YAP1: variants seen among roughly 807,000 people sequenced by gnomAD.
YAP1 encodes transcriptional coactivator YAP1.
YAP1 carries 5 observed loss-of-function variants against 56.9 expected under a neutral mutation model. The ratio of observed to expected loss-of-function variants is 0.09; its 90% CI spans 0.05 to 0.18. YAP1 has a LOEUF of 0.18. Ranked by LOEUF, YAP1 falls within the 10% of genes least tolerant of loss-of-function variation. The pLI is 1.00. For synonymous variants in YAP1, 265 were observed against 248.1 expected (o/e 1.07, Z -0.64); for missense variants, 539 against 651.8 (o/e 0.83, Z 1.88).
chr11:102,209,361 C>A (rs1949280276), intron 5 of YAP1, among the ~76,000 whole-genome samples, 156 bp from the exon 6 acceptor site: 1 of 152,140 alleles, frequency 6.6e-6, no homozygotes, highest in South Asian at 2.1e-4. Context: ...TATGTGGTGA[C>A]TCCATTGGCT....
chr11:102,129,263 A>G (rs140112120), intron 2 of YAP1, among the ~76,000 whole-genome samples: 2 of 152,214 alleles, frequency 1.3e-5, no homozygotes, highest in South Asian at 2.1e-4. Context: ...ATACTATCAT[A>G]TGGTCAGGTA....
At chr11:102,147,966 A>C (rs1406661610) in intron 2 of YAP1, among the ~76,000 whole-genome samples, 1 of 152,204 alleles carries the variant, frequency 6.6e-6, no homozygotes, top group Non-Finnish European at 1.5e-5. Flanking sequence ...AGATTTTAGA[A>C]ATTATTGGAG....
At chr11:102,182,127 T>A (rs1292988303) in intron 3 of YAP1, among the ~76,000 whole-genome samples, 1 of 152,124 alleles carries the variant, frequency 6.6e-6, no homozygotes, top group African/African-American at 2.4e-5. Context: ...CCCTAAGTGG[T>A]TGTTTTAAAT....
In YAP1 at chr11:102,202,282, G is replaced by A. The variant is rs138736814; in HGVS notation, c.803-3611G>A. ...GGGTTCAAGCCATTCTCCTGCCTCA[G>A]CCTCCTGAGTAGCTGGTAGGTACTA... On this transcript the variant is annotated intron_variant, in intron 4 of 8. Transcript: ENST00000282441. Among the ~76,000 whole-genome samples, 849 of 150,980 alleles carry A rather than the reference G, an allele frequency of 5.6e-3. 11 individuals are homozygous for A. The highest frequency in any genetic ancestry group is 0.019 in the African/African-American group (800 of 41,066).
chr11:102,230,038 A>C lies in YAP1; in HGVS notation c.*98A>C. The C allele has an allele frequency of 2.0e-6, 2 of 1,022,134 alleles. No individual in the cohort carries two copies. The highest frequency in any genetic ancestry group is 2.9e-6 in the Non-Finnish European group (2 of 679,092). 63.3% of individuals were successfully genotyped at this position (1,022,134 alleles called of 1,614,324 possible). A position where few individuals can be genotyped will look rare whatever the true frequency, so the allele number is the denominator to read the frequency against. On this transcript the variant is annotated 3_prime_UTR_variant, in exon 9 of 9. Transcript: ENST00000282441. ...CCAGTTGCAGTTTTCAGGCTAATAC[A>C]GAAAAAGATGAACAAACGTCCAGCA...
intron 3 of YAP1, among the ~76,000 whole-genome samples, chr11:102,174,691 A>G (rs148170652): frequency 6.6e-6 from 1 of 152,298 alleles, no homozygotes; most frequent in East Asian, 1.9e-4. Flanking sequence ...TAATCATGTC[A>G]GCTCAGCAAA....
chr11:102,125,489 G>T (rs1420707253), intron 2 of YAP1, among the ~76,000 whole-genome samples: 1 of 149,970 alleles, frequency 6.7e-6, no homozygotes, highest in Non-Finnish European at 1.5e-5. Context: ...TGATTCTCCT[G>T]CTTCAGCCTC....
At chr11:102,160,415 C>T (rs1420535851) in intron 2 of YAP1, among the ~76,000 whole-genome samples, 1 of 152,150 alleles carries the variant, frequency 6.6e-6, no homozygotes, top group Non-Finnish European at 1.5e-5. Context: ...TTTACCAGTG[C>T]TATCAGTTAA....
intron 2 of YAP1, among the ~76,000 whole-genome samples, chr11:102,160,072 G>A (rs1045335643): frequency 3.0e-5 from 4 of 132,720 alleles, no homozygotes; most frequent in African/African-American, 1.2e-4. Context: ...TGCCCAGGCT[G>A]GAGTGCAATG....
chr11:102,189,241 C>T (rs1948149177), intron 4 of YAP1, among the ~76,000 whole-genome samples: 2 of 151,832 alleles, frequency 1.3e-5, no homozygotes, highest in Middle Eastern at 3.4e-3. Flanking sequence ...TAAACATCAC[C>T]TTGTATGTTG....
chr11:102,129,066 C>G (rs1944216605), intron 2 of YAP1, among the ~76,000 whole-genome samples: 1 of 151,996 alleles, frequency 6.6e-6, no homozygotes, highest in Admixed American at 6.6e-5. Flanking sequence ...ATGTTTATAT[C>G]TAAATTGATC....
chr11:102,179,978 T>A (rs1031157549), intron 3 of YAP1, among the ~76,000 whole-genome samples: 2 of 151,430 alleles, frequency 1.3e-5, no homozygotes, highest in African/African-American at 4.8e-5. Flanking sequence ...GGATTTTAAT[T>A]ACATTCATTT....
chr11:102,141,560 T>C (rs937606294), intron 2 of YAP1, among the ~76,000 whole-genome samples: 5 of 152,244 alleles, frequency 3.3e-5, no homozygotes, highest in African/African-American at 1.2e-4. Context: ...TACTTCTGTG[T>C]TGGAATTCTT....
rs1056061938 is a variant in YAP1 at position 102,233,372 on chromosome 11, A to G, written c.*3432A>G. 5.9e-5 allele frequency: 9 copies of G among 151,986 alleles called. No homozygotes were observed. Among genetic ancestry groups the G allele is most frequent in the African/African-American group, 2.2e-4 (9 of 41,380 alleles). 9.4% of individuals were successfully genotyped at this position (151,986 alleles called of 1,614,324 possible). A position where few individuals can be genotyped will look rare whatever the true frequency, so the allele number is the denominator to read the frequency against. ...TTGTTACATTATTTTTTCTTATGTA[A>G]TACCTTTTTGTTTGTTTATGTGGTT... is the stretch of plus-strand genomic sequence containing the variant. On this transcript the variant is annotated 3_prime_UTR_variant, in exon 9 of 9. Transcript: ENST00000282441.
In YAP1 at chr11:102,111,049, G is replaced by A; in HGVS notation, c.201G>A (p.Ala67=). 1.2e-6 allele frequency: 2 copies of A among 1,612,904 alleles called. No individual in the cohort carries two copies. Among genetic ancestry groups the A allele is most frequent in the East Asian group, 2.2e-5 (1 of 44,758 alleles). The change falls in exon 1 of 9, where the codon GCG becomes GCA. Residue 67 remains alanine, a synonymous_variant. Coordinates refer to ENST00000282441, the MANE Select transcript of YAP1 (RefSeq NM_001130145.3). ...VRGDSETDLE[A]LFNAVMNPKT... is the part of the protein sequence containing the mutation. ...GGGACTCGGAGACCGACCTGGAGGC[G>A]CTCTTCAACGCCGTCATGAACCCCA...
intron 2 of YAP1, among the ~76,000 whole-genome samples, chr11:102,133,592 T>C (rs1944500035): frequency 6.6e-6 from 1 of 152,230 alleles, no homozygotes; most frequent in Admixed American, 6.5e-5. Flanking sequence ...CCACCACGCC[T>C]GGCCTAGAAT....
chr11:102,110,769 T>A lies in YAP1; in HGVS notation c.-80T>A. ...CCGCAGCCGTCGCCGCTTCTCCACC[T>A]CGGCCCGTGGAGCCGGGGCGTCCGG... is the stretch of plus-strand genomic sequence containing the variant. On this transcript the variant is annotated 5_prime_UTR_variant, in exon 1 of 9. Coordinates refer to ENST00000282441, the MANE Select transcript of YAP1 (RefSeq NM_001130145.3). 1 of 1,221,158 alleles carries A rather than the reference T, an allele frequency of 8.2e-7. No individual in the cohort carries two copies. The allele number at this position is 1,221,158 out of a possible 1,614,324, so 75.6% of individuals were successfully genotyped here. A position where few individuals can be genotyped will look rare whatever the true frequency, so the allele number is the denominator to read the frequency against.
intron 2 of YAP1, among the ~76,000 whole-genome samples, chr11:102,154,356 CA>C (rs1377681654): frequency 1.3e-5 from 2 of 152,086 alleles, no homozygotes; most frequent in Non-Finnish European, 2.9e-5. Context: ...GAAGGGAAGA[CA>C]TTTAATCTGT....
chr11:102,161,367 C>T (rs972258725), intron 2 of YAP1, among the ~76,000 whole-genome samples: 2 of 151,620 alleles, frequency 1.3e-5, no homozygotes, highest in Admixed American at 6.6e-5. Context: ...CACACACACA[C>T]ACACACACAC....
Sources: gnomAD v4.1 joint callset for allele counts (sites outside exome capture counted in the v4.1 genomes callset) on GRCh38, gnomAD v4.1.1 for gene constraint, MANE v1.5 for transcripts, NCBI Gene and HGNC (gene_info 2026-07-23, HGNC 2026-07-21) for gene names.